The following MACROD2 variants were observed in gnomAD, a reference collection of about 807,000 sequenced individuals.
MACROD2 encodes mono-ADP ribosylhydrolase 2.
In MACROD2, 36 loss-of-function variants were observed where a neutral mutation model predicts 70.4. The ratio of observed to expected loss-of-function variants is 0.51; its 90% confidence interval spans 0.39 to 0.68. The LOEUF is 0.68. Among genes scored for constraint, MACROD2 ranks in the 30% least tolerant of loss-of-function variants. The pLI is 0.00. For missense variants in MACROD2, 496 were observed against 538.4 expected, an observed-to-expected ratio of 0.92 and a Z score of 0.78; for synonymous variants, 172 against 178.8, an observed-to-expected ratio of 0.96 and a Z score of 0.30.
chr20:15,376,868 T>G (rs954416225), intron 6 of MACROD2, among the ~76,000 whole-genome samples: 34 of 152,138 alleles, frequency 2.2e-4, no homozygotes, highest in Non-Finnish European at 4.0e-4. Flanking sequence ...ACTTCTAGTT[T>G]TATTTTAATG....
chr20:14,279,588 A>C (rs150287106), intron 3 of MACROD2, among the ~76,000 whole-genome samples: 20 of 152,310 alleles, frequency 1.3e-4, no homozygotes, highest in Admixed American at 1.3e-3. Flanking sequence ...TGGAGAATTT[A>C]AGTCTCAGAG....
At chr20:15,587,561 G>C (rs755059360) in intron 8 of MACROD2, among the ~76,000 whole-genome samples, 34 of 152,210 alleles carry the variant, frequency 2.2e-4, no homozygotes, top group Non-Finnish European at 4.1e-4. Context: ...CTATGAGCCT[G>C]TAAAATCAAA....
rs532892528 is a variant in MACROD2 at position 14,486,664 on chromosome 20, G to A, written c.272-6815G>A. Among the ~76,000 whole-genome samples the A allele has an allele frequency of 1.1e-4, 16 of 151,730 alleles. No homozygotes were observed. The South Asian group carries it at 2.9e-3, about 28-fold the overall frequency. ...CTCCTGAGTAGCTGGGATTACAGGC[G>A]TGTGCCACCACACAAGGCTAATTTT... On this transcript the variant is annotated intron_variant, in intron 3 of 17. Coordinates refer to ENST00000684519, the MANE Select transcript of MACROD2 (RefSeq NM_001351661.2).
chr20:14,568,632 GA>G (rs1979966875), intron 4 of MACROD2, among the ~76,000 whole-genome samples: 1 of 151,864 alleles, frequency 6.6e-6, no homozygotes, highest in Non-Finnish European at 1.5e-5. Context: ...TTTATAATTA[GA>G]AAAAAATTAT....
At position 15,599,019 on chromosome 20, in the gene MACROD2, A is replaced by G. The variant is rs138102648; in HGVS notation, c.645+99172A>G. On this transcript the variant is annotated intron_variant, in intron 8 of 17. Transcript: ENST00000684519. The stretch of plus-strand genomic sequence containing the variant: ...AGTGCTGGAGCCATCAATATCTGCA[A>G]TGATCCCAGTCTCCACATCAACATT... Among the ~76,000 whole-genome samples, 64 of 152,266 alleles carry G rather than the reference A, an allele frequency of 4.2e-4. No homozygotes were observed. In the East Asian group the frequency reaches 8.7e-3, roughly 21 times the overall value.
chr20:14,541,544 C>CTGT (rs887615154), intron 4 of MACROD2, among the ~76,000 whole-genome samples: 6 of 152,026 alleles, frequency 3.9e-5, no homozygotes, highest in African/African-American at 1.5e-4. Flanking sequence ...CTTTAACTTA[C>CTGT]TGTTGTATCT....
intron 5 of MACROD2, among the ~76,000 whole-genome samples, chr20:14,999,230 C>G (rs1020320041): frequency 6.6e-6 from 1 of 152,156 alleles, no homozygotes; most frequent in Non-Finnish European, 1.5e-5. Context: ...AGTACACAGA[C>G]AAATGCAGAA....
intron 5 of MACROD2, among the ~76,000 whole-genome samples, chr20:14,985,946 C>A (rs2074844883): frequency 6.6e-6 from 1 of 151,776 alleles, no homozygotes; most frequent in Non-Finnish European, 1.5e-5. Flanking sequence ...GCAGAAATAC[C>A]AATTATTAAA....
At chr20:14,568,020 G>C (rs55690549) in intron 4 of MACROD2, among the ~76,000 whole-genome samples, 3 of 151,940 alleles carry the variant, frequency 2.0e-5, no homozygotes, top group Non-Finnish European at 2.9e-5. Context: ...AAATTCTGAA[G>C]TTTAGAAAAC....
intron 8 of MACROD2, chr20:15,552,178 C>G (rs1280685688): frequency 6.6e-6 from 1 of 152,190 alleles, no homozygotes; most frequent in Non-Finnish European, 1.5e-5. Flanking sequence ...GGAATTATCA[C>G]TGCCTTGCCA....
intron 3 of MACROD2, among the ~76,000 whole-genome samples, chr20:14,388,719 A>G (rs577363752): frequency 2.7e-5 from 4 of 150,884 alleles, no homozygotes; most frequent in African/African-American, 7.3e-5. Context: ...AAGCAATTCT[A>G]TTTTTTTTTA....
At chr20:15,801,779 T>C (rs2191523) in intron 8 of MACROD2, among the ~76,000 whole-genome samples, 21,580 of 152,036 alleles carry the variant, frequency 0.14, 3,478 homozygotes, top group East Asian at 0.42. Flanking sequence ...AATCTCTAGA[T>C]AGCTTTGTGT....
At position 16,050,911 on chromosome 20, in the gene MACROD2, CT is replaced by C. The variant is rs1651775746; in HGVS notation, c.*1036del. ...TGCCTTCCTGGCCTGTGTTTAAATGCTGTCACTTGTTTATGCCAAGTTCAAG... is the reference window on the plus strand; with the variant it reads ...TGCCTTCCTGGCCTGTGTTTAAATGCGTCACTTGTTTATGCCAAGTTCAAG... On this transcript the variant is annotated 3_prime_UTR_variant, in exon 18 of 18. Transcript: ENST00000684519. The C allele has an allele frequency of 6.6e-6, 1 of 152,250 alleles. No homozygotes were observed. The highest frequency in any genetic ancestry group is 1.5e-5 in the Non-Finnish European group (1 of 68,066). The allele number at this position is 152,250 out of a possible 1,614,324, so 9.4% of individuals were successfully genotyped here.
intron 6 of MACROD2, among the ~76,000 whole-genome samples, chr20:15,391,235 G>C (rs2045788081): frequency 6.6e-6 from 1 of 152,192 alleles, no homozygotes; most frequent in African/African-American, 2.4e-5. Context: ...AATCTCCCTA[G>C]ACAGTTTGGC....
At chr20:15,136,227 G>T (rs2076146749) in intron 5 of MACROD2, among the ~76,000 whole-genome samples, 1 of 145,878 alleles carries the variant, frequency 6.9e-6, no homozygotes, top group Admixed American at 6.9e-5. Context: ...AGTTCATATG[G>T]AACCAAAAAA....
chr20:16,014,490 G>A (rs1209899569), intron 15 of MACROD2, among the ~76,000 whole-genome samples: 1 of 152,224 alleles, frequency 6.6e-6, no homozygotes, highest in African/African-American at 2.4e-5. Context: ...ATGTGGATTT[G>A]CAGATTACTA....
chr20:14,292,561 T>A (rs1367421775), intron 3 of MACROD2, among the ~76,000 whole-genome samples: 1 of 151,906 alleles, frequency 6.6e-6, no homozygotes, highest in East Asian at 1.9e-4. Flanking sequence ...TAAACTGCAG[T>A]AGCAGGAGCC....
Position 15,602,704 on chromosome 20 carries a change from T to C in MACROD2, c.645+102857T>C, listed in dbSNP as rs73900017. Among the ~76,000 whole-genome samples the C allele has an allele frequency of 9.0e-3, 1,365 of 152,238 alleles. 26 individuals are homozygous for C. Among genetic ancestry groups the C allele is most frequent in the African/African-American group, 0.032 (1,316 of 41,540 alleles). ...GAGGAGAGAGTAGTGGAGAATGAGTTTGGTAAGAGAAGAGGAGTCTAGAAT... is the reference window on the plus strand; with the variant it reads ...GAGGAGAGAGTAGTGGAGAATGAGTCTGGTAAGAGAAGAGGAGTCTAGAAT... On this transcript the variant is annotated intron_variant, in intron 8 of 17. Transcript: ENST00000684519.
At position 14,002,346 on chromosome 20, in the gene MACROD2, T is replaced by G. The variant is rs565765583; in HGVS notation, c.105T>G (p.Ile35Met). The G allele has an allele frequency of 6.2e-7, 1 of 1,610,728 alleles. No individual in the cohort carries two copies. The highest frequency in any genetic ancestry group is 8.5e-7 in the Non-Finnish European group (1 of 1,178,668). Reference sequence around the variant, plus strand: ...GCAAAGAATACCTAAGAGACTATATTCCCCTGAACAGCATTCTATCATGGA... The same window carrying G: ...GCAAAGAATACCTAAGAGACTATATGCCCCTGAACAGCATTCTATCATGGA... Reference protein sequence around the residue: ...ERRKEYLRDYIPLNSILSWKE... With the variant: ...ERRKEYLRDYMPLNSILSWKE... Residue 35 changes from isoleucine to methionine, a missense_variant, in exon 2 of 18, where the codon ATT becomes ATG. Coordinates refer to ENST00000684519, the MANE Select transcript of MACROD2 (RefSeq NM_001351661.2).
Sources: gnomAD v4.1 joint callset for allele counts (sites outside exome capture counted in the v4.1 genomes callset) on GRCh38, gnomAD v4.1.1 for gene constraint, MANE v1.5 for transcripts, NCBI Gene and HGNC (gene_info 2026-07-23, HGNC 2026-07-21) for gene names.